Variants in PRUNE2 observed in about 807,000 individuals in gnomAD.
The protein encoded by PRUNE2 is protein prune homolog 2.
A neutral mutation model predicts 252.0 loss-of-function variants in PRUNE2; 164 were observed. That is an observed-to-expected ratio of 0.65 (90% CI 0.57 to 0.74). The LOEUF (loss-of-function observed/expected upper bound fraction) is 0.74, where lower values mean the gene tolerates loss of function less well. Ranked by LOEUF, PRUNE2 falls within the 30% of genes least tolerant of loss-of-function variation. The pLI is 0.00. For synonymous variants in PRUNE2, 1,292 were observed against 1,350.2 expected, an observed-to-expected ratio of 0.96 and a Z score of 0.94; for missense variants, 3,495 against 3,711.0, an observed-to-expected ratio of 0.94 and a Z score of 1.51.
chr9:76,682,106 GGA>G (rs2043508301), intron 9 of PRUNE2, among the ~76,000 whole-genome samples: 1 of 152,080 alleles, frequency 6.6e-6, no homozygotes, highest in South Asian at 2.1e-4. Flanking sequence ...AAAAATGTTA[GGA>G]GAGAGAAGAG....
chr9:76,638,569 A>T (rs1841154325), intron 12 of PRUNE2, among the ~76,000 whole-genome samples: 1 of 152,202 alleles, frequency 6.6e-6, no homozygotes, highest in Admixed American at 6.5e-5. Flanking sequence ...TGTTGTACAT[A>T]GTTGTGAAGA....
chr9:76,697,962 G>C (rs1411465570), intron 9 of PRUNE2, among the ~76,000 whole-genome samples: 1 of 152,162 alleles, frequency 6.6e-6, no homozygotes, highest in Non-Finnish European at 1.5e-5. Flanking sequence ...GTAGAAGTGG[G>C]TGGAGGGCAT....
intron 9 of PRUNE2, among the ~76,000 whole-genome samples, chr9:76,696,240 A>G (rs1488593096): frequency 6.6e-6 from 1 of 152,166 alleles, no homozygotes; most frequent in Non-Finnish European, 1.5e-5. Flanking sequence ...TCAGAAACTG[A>G]TCCTCCAATG....
intron 1 of PRUNE2, among the ~76,000 whole-genome samples, chr9:76,869,769 C>T (rs1798705051): frequency 6.6e-6 from 1 of 152,208 alleles, no homozygotes; most frequent in South Asian, 2.1e-4. Flanking sequence ...AGAGGCTTCC[C>T]ACCTTGGGAA....
Position 76,807,826 on chromosome 9 carries a change from A to C in PRUNE2, c.756+15806T>G, listed in dbSNP as rs923570508. ...GTCCCACTGGAAGCTGGGTAGCAGA[A>C]CAAAATTATAAAACAATCGAGCACA... On this transcript the variant is annotated intron_variant, in intron 6 of 18. Transcript: ENST00000376718. Among the ~76,000 whole-genome samples the C allele has an allele frequency of 1.6e-4, 25 of 152,254 alleles. 1 individual carries two copies. The highest frequency in any genetic ancestry group is 1.4e-3 in the Admixed American group (22 of 15,282).
At chr9:76,676,608 T>G (rs2042637632) in intron 9 of PRUNE2, among the ~76,000 whole-genome samples, 1 of 152,184 alleles carries the variant, frequency 6.6e-6, no homozygotes, top group Admixed American at 6.5e-5. Flanking sequence ...TGTGTTTCAA[T>G]TTTTAAAATA....
At chr9:76,676,286 A>G (rs1398737985) in intron 9 of PRUNE2, among the ~76,000 whole-genome samples, 1 of 150,554 alleles carries the variant, frequency 6.6e-6, no homozygotes, top group Non-Finnish European at 1.5e-5. Flanking sequence ...TTTTTTTAAC[A>G]AAAATGTAAG....
chr9:76,616,384 C>T (rs936612250), intron 18 of PRUNE2, among the ~76,000 whole-genome samples: 13 of 152,176 alleles, frequency 8.5e-5, no homozygotes, highest in Admixed American at 1.3e-4. Context: ...CTTTCTCTCA[C>T]GGTGTTGGTT....
chr9:76,886,780 GC>G (rs1261876645), intron 1 of PRUNE2, among the ~76,000 whole-genome samples: 10 of 152,148 alleles, frequency 6.6e-5, no homozygotes, highest in Non-Finnish European at 1.5e-4. Flanking sequence ...AGAAATTTAA[GC>G]CCCTACTTTC....
chr9:76,842,154 G>A (rs1176003425), intron 4 of PRUNE2, among the ~76,000 whole-genome samples: 1 of 152,062 alleles, frequency 6.6e-6, no homozygotes, highest in Non-Finnish European at 1.5e-5. Context: ...ATAGACCAAT[G>A]GAACAGAACA....
At chr9:76,782,165 G>T (rs2054484640) in intron 6 of PRUNE2, among the ~76,000 whole-genome samples, 1 of 152,116 alleles carries the variant, frequency 6.6e-6, no homozygotes, top group South Asian at 2.1e-4. Context: ...AGTGAGCCAA[G>T]ATGGTGCCAC....
At chr9:76,738,928 G>C (rs752417964) in intron 6 of PRUNE2, 12 of 152,272 alleles carry the variant, frequency 7.9e-5, no homozygotes, top group Non-Finnish European at 1.3e-4. Flanking sequence ...ATGTGTCATA[G>C]AGCACATTAA....
In PRUNE2 at chr9:76,775,661, C is replaced by A. The variant is rs114145743; in HGVS notation, c.756+47971G>T. 3.2e-3 allele frequency among the ~76,000 whole-genome samples: 493 copies of A among 152,288 alleles called. 5 individuals are homozygous for A. The highest frequency in any genetic ancestry group is 0.012 in the African/African-American group (484 of 41,548). On this transcript the variant is annotated intron_variant, in intron 6 of 18. Coordinates refer to ENST00000376718, the MANE Select transcript of PRUNE2 (RefSeq NM_015225.3). ...TCCATATTTCTTCTCTTCAGGTATGCAAGGAATGTTATCTCTTTACATTTG... is the reference window on the plus strand; with the variant it reads ...TCCATATTTCTTCTCTTCAGGTATGAAAGGAATGTTATCTCTTTACATTTG...
At chr9:76,840,751 C>T (rs780502642) in intron 4 of PRUNE2, among the ~76,000 whole-genome samples, 50 of 152,212 alleles carry the variant, frequency 3.3e-4, no homozygotes, top group Non-Finnish European at 5.4e-4. Flanking sequence ...GAGGCTGAGG[C>T]GGGCAGATCA....
At chr9:76,786,370 A>C (rs2054979485) in intron 6 of PRUNE2, 1 of 152,428 alleles carries the variant, frequency 6.6e-6, no homozygotes, top group Admixed American at 6.5e-5. Context: ...ACCAAGATAC[A>C]AAGAACTCTG....
intron 6 of PRUNE2, among the ~76,000 whole-genome samples, chr9:76,773,436 A>C (rs1018020843): frequency 5.1e-5 from 7 of 138,308 alleles, no homozygotes; most frequent in Non-Finnish European, 9.1e-5. Context: ...ACACTAGTAC[A>C]TCTTTTTTTT....
At chr9:76,838,712 C>T (rs2059213074) in intron 4 of PRUNE2, among the ~76,000 whole-genome samples, 1 of 115,820 alleles carries the variant, frequency 8.6e-6, no homozygotes, top group African/African-American at 2.6e-5. Context: ...GGGGTACACA[C>T]AGTGATGTTA....
intron 4 of PRUNE2, among the ~76,000 whole-genome samples, chr9:76,839,503 T>C (rs1750148096): frequency 6.6e-6 from 1 of 152,238 alleles, no homozygotes; most frequent in Admixed American, 6.5e-5. Context: ...GAAAGGCTCT[T>C]GTGTCTGCAA....
intron 9 of PRUNE2, among the ~76,000 whole-genome samples, chr9:76,682,157 CG>C (rs1169265485): frequency 6.6e-6 from 1 of 151,668 alleles, no homozygotes; most frequent in Non-Finnish European, 1.5e-5. Flanking sequence ...CCTCAGTAGA[CG>C]GAGTGATTTA....
Sources: allele counts gnomAD v4.1 joint callset (sites outside exome capture counted in the v4.1 genomes callset), GRCh38; gene constraint gnomAD v4.1.1; transcripts MANE v1.5; gene names NCBI Gene and HGNC (gene_info 2026-07-23, HGNC 2026-07-21).